Variants in NAV3 observed in about 807,000 individuals in gnomAD.
NAV3 encodes neuron navigator 3, also known as pore membrane and/or filament interacting like protein 1.
Under a neutral mutation model 244.7 loss-of-function variants are expected in NAV3, and 87 were observed. The ratio of observed to expected loss-of-function variants is 0.36; its 90% CI spans 0.30 to 0.42. NAV3 has a LOEUF of 0.42. NAV3 is among the 20% of genes least tolerant of loss of function. The probability of loss-of-function intolerance (pLI) is 1.00; values close to 1 mark genes in which losing one functional copy is unlikely to be tolerated. For missense variants in NAV3, 2,663 were observed against 2,893.3 expected, an observed-to-expected ratio of 0.92 and a Z score of 1.83; for synonymous variants, 1,126 against 1,042.2, an observed-to-expected ratio of 1.08 and a Z score of -1.55.
At chr12:77,722,067 C>G (rs1278991716) in intron 2 of NAV3, among the ~76,000 whole-genome samples, 4 of 152,064 alleles carry the variant, frequency 2.6e-5, no homozygotes, top group Non-Finnish European at 5.9e-5. Context: ...AACCCCAACT[C>G]AATTTTCTGC....
chr12:78,175,185 T>G (rs1177469349), intron 24 of NAV3, 121 bp from the exon 25 acceptor site: 2 of 1,034,528 alleles, frequency 1.9e-6, no homozygotes, highest in Non-Finnish European at 2.7e-6. Context: ...TGCATTGAAA[T>G]TATCTGTACA....
chr12:77,691,878 C>G (rs997568652), intron 2 of NAV3, among the ~76,000 whole-genome samples: 1 of 151,850 alleles, frequency 6.6e-6, no homozygotes, highest in African/African-American at 2.4e-5. Context: ...GAAATCAAAG[C>G]ACTTAGGTTG....
intron 2 of NAV3, among the ~76,000 whole-genome samples, chr12:77,717,602 T>C (rs939041712): frequency 6.6e-6 from 1 of 152,198 alleles, no homozygotes; most frequent in Non-Finnish European, 1.5e-5. Context: ...ATAATTATTT[T>C]GAATAAATAT....
chr12:78,137,931 A>C (rs1263203715), intron 19 of NAV3, among the ~76,000 whole-genome samples: 1 of 152,186 alleles, frequency 6.6e-6, no homozygotes, highest in Non-Finnish European at 1.5e-5. Context: ...AATACTCCAA[A>C]TAAATCAGCT....
At chr12:78,066,308 A>G (rs1885018810) in intron 12 of NAV3, among the ~76,000 whole-genome samples, 1 of 152,118 alleles carries the variant, frequency 6.6e-6, no homozygotes, top group Non-Finnish European at 1.5e-5. Context: ...ACAAAATAAA[A>G]TAAAATAATA....
chr12:77,587,289 A>C (rs1335257056), intron 2 of NAV3, among the ~76,000 whole-genome samples: 4 of 152,196 alleles, frequency 2.6e-5, no homozygotes, highest in Non-Finnish European at 4.4e-5. Flanking sequence ...TCAGCCAATA[A>C]ATTAGTATCA....
chr12:77,824,359 C>G (rs1032155430), intron 2 of NAV3, among the ~76,000 whole-genome samples: 13 of 148,856 alleles, frequency 8.7e-5, no homozygotes, highest in Non-Finnish European at 1.6e-4. Flanking sequence ...TCCCAAAGTG[C>G]TGGGATTACA....
intron 2 of NAV3, among the ~76,000 whole-genome samples, chr12:77,654,366 T>A (rs1466465562): frequency 1.3e-5 from 2 of 152,210 alleles, no homozygotes. Context: ...TACAGCAGTC[T>A]GAGATCAAAC....
intron 2 of NAV3, among the ~76,000 whole-genome samples, chr12:77,735,421 A>C (rs968678176): frequency 1.3e-5 from 2 of 152,134 alleles, no homozygotes; most frequent in African/African-American, 4.8e-5. Context: ...CACTGCTCAC[A>C]CTAGGAGCTC....
intron 2 of NAV3, among the ~76,000 whole-genome samples, chr12:77,820,648 A>G (rs1205820253): frequency 6.6e-6 from 1 of 152,166 alleles, no homozygotes. Context: ...TGTCTGGGCT[A>G]TTAAAAACAT....
At chr12:77,918,223 C>G (rs766744564) in intron 1 of NAV3, among the ~76,000 whole-genome samples, 5 of 152,054 alleles carry the variant, frequency 3.3e-5, no homozygotes, top group Non-Finnish European at 5.9e-5. Context: ...AAATAAAATA[C>G]ATTTAACACT....
chr12:77,960,446 T>TACACAC (rs1163299447), intron 3 of NAV3, among the ~76,000 whole-genome samples: 16 of 63,810 alleles, frequency 2.5e-4, no homozygotes, highest in African/African-American at 7.9e-4. Context: ...CATATATATA[T>TACACAC]ATATACACAC....
chr12:78,162,491 TTCTCATATATA>T (rs1333844343), intron 23 of NAV3, among the ~76,000 whole-genome samples: 1 of 152,044 alleles, frequency 6.6e-6, no homozygotes, highest in East Asian at 1.9e-4. Context: ...GAGTTTATAT[TTCTCATATATA>T]TCTCATATAT....
intron 2 of NAV3, among the ~76,000 whole-genome samples, chr12:77,631,466 T>TC (rs1204184488): frequency 6.8e-6 from 1 of 146,512 alleles, no homozygotes; most frequent in Non-Finnish European, 1.5e-5. Context: ...ATGTTAATCT[T>TC]TTGGAAAAAA....
chr12:77,904,244 C>T (rs1052001045), intron 1 of NAV3, among the ~76,000 whole-genome samples: 13 of 152,096 alleles, frequency 8.5e-5, no homozygotes, highest in Non-Finnish European at 2.9e-5. Context: ...GGAACCAAGC[C>T]AAATGTCCAA....
At chr12:77,795,675 C>T (rs77512017) in intron 2 of NAV3, among the ~76,000 whole-genome samples, 2,790 of 152,188 alleles carry the variant, frequency 0.018, 90 homozygotes, top group African/African-American at 0.063. Context: ...TGCTTGGCTT[C>T]AAATCTTCAA....
At chr12:77,710,352 A>G (rs1355057052) in intron 2 of NAV3, among the ~76,000 whole-genome samples, 1 of 148,800 alleles carries the variant, frequency 6.7e-6, no homozygotes, top group Non-Finnish European at 1.5e-5. Flanking sequence ...ACTCTGGGCA[A>G]CTATTACCTG....
In NAV3 at chr12:77,900,115, C is replaced by T. The variant is rs796494274; in HGVS notation, c.244-40204C>T. ...TTTTTGAGTTGGAGTCTCACTCTTT[C>T]GCCCAGGCTGGAGTGCAGTGGCACG... On this transcript the variant is annotated intron_variant, in intron 1 of 39. Transcript: ENST00000397909. 1.4e-4 allele frequency among the ~76,000 whole-genome samples: 20 copies of T among 143,696 alleles called. No individual in the cohort carries two copies. The East Asian group carries it at 2.0e-3, about 15-fold the overall frequency. 94.3% of individuals were successfully genotyped at this position (143,696 alleles called of 152,430 possible). A position where few individuals can be genotyped will look rare whatever the true frequency, so the allele number is the denominator to read the frequency against.
chr12:77,824,517 G>A (rs1872886885), intron 2 of NAV3, among the ~76,000 whole-genome samples: 1 of 151,994 alleles, frequency 6.6e-6, no homozygotes, highest in African/African-American at 2.4e-5. Flanking sequence ...AAGTTTAGAA[G>A]AAACTAAAAA....
Sources: gnomAD v4.1 joint callset for allele counts (sites outside exome capture counted in the v4.1 genomes callset) on GRCh38, gnomAD v4.1.1 for gene constraint, MANE v1.5 for transcripts, NCBI Gene and HGNC (gene_info 2026-07-23, HGNC 2026-07-21) for gene names.